FSD2: variants seen among roughly 807,000 people sequenced by gnomAD.
FSD2 encodes fibronectin type III and SPRY domain-containing protein 2.
FSD2 carries 71 observed loss-of-function variants against 80.4 expected under a neutral mutation model. That is an observed-to-expected ratio of 0.88 (90% CI 0.73 to 1.08). The LOEUF (loss-of-function observed/expected upper bound fraction) is 1.08, where lower values mean the gene tolerates loss of function less well. Ranked by LOEUF, FSD2 falls within the 50% of genes least tolerant of loss-of-function variation. FSD2 has a pLI of 0.00. For missense variants in FSD2, 923 were observed against 913.8 expected (o/e 1.01, Z -0.13); for synonymous variants, 361 against 329.5 (o/e 1.10, Z -1.03).
intron 12 of FSD2, among the ~76,000 whole-genome samples, chr15:82,760,737 A>ATG (rs1555475157): frequency 1.9e-4 from 12 of 63,254 alleles, no homozygotes; most frequent in East Asian, 1.0e-3. Context: ...GTGTGCGTGC[A>ATG]CGCACACACA....
At chr15:82,804,999 T>A (rs940942923) in intron 1 of FSD2, among the ~76,000 whole-genome samples, 4 of 152,188 alleles carry the variant, frequency 2.6e-5, no homozygotes, top group Non-Finnish European at 5.9e-5. Flanking sequence ...AAGCAATTAG[T>A]CATAGTCCAT....
intron 1 of FSD2, among the ~76,000 whole-genome samples, chr15:82,797,746 G>C (rs983669132): frequency 4.6e-5 from 7 of 152,254 alleles, no homozygotes; most frequent in African/African-American, 1.7e-4. Context: ...GGAGGCGGAG[G>C]TTGCAGTGAG....
At chr15:82,778,922 A>G (rs1374314584) in intron 5 of FSD2, 35 bp from the exon 6 acceptor site, 2 of 1,610,312 alleles carry the variant, frequency 1.2e-6, no homozygotes, top group Non-Finnish European at 1.7e-6. Context: ...ACTAGAATGG[A>G]GGGGCATTCT....
chr15:82,768,614 A>ATGAG (rs1489858231), intron 9 of FSD2, among the ~76,000 whole-genome samples: 1 of 152,178 alleles, frequency 6.6e-6, no homozygotes, highest in African/African-American at 2.4e-5. Flanking sequence ...GAATGAATGA[A>ATGAG]TGAATGAATG....
intron 1 of FSD2, among the ~76,000 whole-genome samples, chr15:82,801,618 G>A (rs951021154): frequency 2.0e-5 from 3 of 152,164 alleles, no homozygotes; most frequent in African/African-American, 7.2e-5. Context: ...TGACAAAGAT[G>A]CTGCTATCCT....
chr15:82,774,839 A>C (rs2049675100), intron 6 of FSD2, among the ~76,000 whole-genome samples: 1 of 150,714 alleles, frequency 6.6e-6, no homozygotes, highest in African/African-American at 2.4e-5. Flanking sequence ...CTCCTGCCTC[A>C]GCCTCCCGAG....
Position 82,775,333 on chromosome 15 carries a change from G to C in FSD2, c.1112-3105C>G, listed in dbSNP as rs564327492. ...GAATCGCTGGAACCCAGGAGGCTGAGGTTGCAGTGAGCTGAGATCGCACCA... is the reference window on the plus strand; with the variant it reads ...GAATCGCTGGAACCCAGGAGGCTGACGTTGCAGTGAGCTGAGATCGCACCA... On this transcript the variant is annotated intron_variant, in intron 6 of 12. Coordinates refer to ENST00000334574, the MANE Select transcript of FSD2 (RefSeq NM_001007122.4). Among the ~76,000 whole-genome samples the C allele has an allele frequency of 1.1e-4, 16 of 152,090 alleles. 1 individual carries two copies. The highest frequency in any genetic ancestry group is 8.5e-4 in the Admixed American group (13 of 15,284).
chr15:82,775,020 T>G (rs2049681536), intron 6 of FSD2, among the ~76,000 whole-genome samples: 1 of 150,370 alleles, frequency 6.7e-6, no homozygotes, highest in South Asian at 2.2e-4. Context: ...GCGCCTGGCC[T>G]TGTTTCTAAA....
intron 1 of FSD2, among the ~76,000 whole-genome samples, chr15:82,794,743 G>A (rs992237270): frequency 1.6e-5 from 1 of 61,914 alleles, no homozygotes; most frequent in Non-Finnish European, 3.2e-5. Flanking sequence ...TTTTTTTTTT[G>A]AGAAGGAGTC....
chr15:82,784,446 C>T (rs2049950101), intron 3 of FSD2, among the ~76,000 whole-genome samples: 1 of 151,964 alleles, frequency 6.6e-6, no homozygotes, highest in South Asian at 2.1e-4. Flanking sequence ...TGGGGTTTCA[C>T]CATCTTGGCT....
intron 10 of FSD2, 89 bp downstream of exon 10, chr15:82,765,809 T>C: frequency 6.8e-7 from 1 of 1,465,900 alleles, no homozygotes; most frequent in South Asian, 1.4e-5. Flanking sequence ...TGCATATTCA[T>C]CAATTTCCCA....
chr15:82,800,691 C>CAAAAAAAAA lies in FSD2; in HGVS notation c.-79+5266_-79+5274dup, dbSNP rs769762172. Among the ~76,000 whole-genome samples the CAAAAAAAAA allele has an allele frequency of 3.8e-3, 181 of 47,814 alleles. 20 individuals are homozygous for CAAAAAAAAA. Among genetic ancestry groups the CAAAAAAAAA allele is most frequent in the African/African-American group, 0.014 (144 of 10,124 alleles). The allele number at this position is 47,814 out of a possible 152,430, so 31.4% of individuals were successfully genotyped here. A position where few individuals can be genotyped will look rare whatever the true frequency, so the allele number is the denominator to read the frequency against. Reference sequence around the variant, plus strand: ...TGGGGGATAGAGCGAGATTCTGTCTCAAAAAAAAAAAAAAAAAAAAAAGCC... The same window carrying CAAAAAAAAA: ...TGGGGGATAGAGCGAGATTCTGTCTCAAAAAAAAAAAAAAAAAAAAAAAAAAAAAAAGCC... On this transcript the variant is annotated intron_variant, in intron 1 of 12. Transcript: ENST00000334574.
Position 82,787,004 on chromosome 15 carries a change from G to A in FSD2, c.387C>T (p.Ala129=), listed in dbSNP as rs200843659. The A allele has an allele frequency of 8.4e-5, 135 of 1,613,918 alleles. No individual in the cohort carries two copies. The Admixed American group carries it at 2.1e-3, about 25-fold the overall frequency. ...DWRLSGEAAE[A]EDLGFGGWGS... ...CCCACCCTCCGAAGCCCAGGTCCTC[G>A]GCCTCCGCTGCCTCTCCACTAAGTC... is the stretch of plus-strand genomic sequence containing the variant. Residue 129 remains alanine, a synonymous_variant, in exon 2 of 13, where the codon GCC becomes GCT. Coordinates refer to ENST00000334574, the MANE Select transcript of FSD2 (RefSeq NM_001007122.4).
chr15:82,793,729 T>A (rs1300202440), intron 1 of FSD2, among the ~76,000 whole-genome samples: 2 of 152,216 alleles, frequency 1.3e-5, no homozygotes, highest in African/African-American at 4.8e-5. Context: ...TGGGACTTTG[T>A]GTCTTTCTAG....
chr15:82,794,738 T>G (rs551980295), intron 1 of FSD2, among the ~76,000 whole-genome samples: 220 of 151,366 alleles, frequency 1.5e-3, no homozygotes, highest in Admixed American at 3.5e-3. Flanking sequence ...TTTTTTTTTT[T>G]TTTTGAGAAG....
chr15:82,780,337 C>CTTT (rs774635552), intron 4 of FSD2, 70 bp from the exon 5 acceptor site: 58 of 887,190 alleles, frequency 6.5e-5, no homozygotes, highest in South Asian at 2.7e-4. Context: ...TTCTTTCTTT[C>CTTT]TTTTTTTTTT....
Position 82,787,328 on chromosome 15 carries a change from A to C in FSD2, c.63T>G (p.Phe21Leu). 6.2e-7 allele frequency: 1 copy of C among 1,613,896 alleles called. No homozygotes were observed. Among genetic ancestry groups the C allele is most frequent in the South Asian group, 1.1e-5 (1 of 91,060 alleles). Residue 21 changes from phenylalanine (F) to leucine (L), a missense_variant, in exon 2 of 13, where the codon TTT (phenylalanine) becomes TTG (leucine). Coordinates refer to ENST00000334574, the MANE Select transcript of FSD2 (RefSeq NM_001007122.4). ...LDRSTPKDFH[F>L]YHMDLYDSED... ...CAGAGTCATACAGGTCCATGTGGTA[A>C]AAGTGGAAATCCTTGGGAGTAGACC...
rs2151480475 is a variant in FSD2, at chr15:82,756,915, G to A, written c.*2433C>T. 1 of 152,272 alleles carries A rather than the reference G, an allele frequency of 6.6e-6. No homozygotes were observed. Among genetic ancestry groups the A allele is most frequent in the Admixed American group, 6.5e-5 (1 of 15,296 alleles). The allele number at this position is 152,272 out of a possible 1,614,324, so 9.4% of individuals were successfully genotyped here. A position where few individuals can be genotyped will look rare whatever the true frequency, so the allele number is the denominator to read the frequency against. On this transcript the variant is annotated 3_prime_UTR_variant, in exon 13 of 13. Transcript: ENST00000334574. ...TTGTTTTTTAACAGACTTATCAGCA[G>A]GTTGCAGGTGAACATGGCCTTGAGG...
At chr15:82,782,672 C>T (rs546539664) in intron 4 of FSD2, 123 bp downstream of exon 4, 19 of 777,336 alleles carry the variant, frequency 2.4e-5, no homozygotes, top group African/African-American at 1.7e-4. Flanking sequence ...CCATAAAAGT[C>T]GATTCCAATG....
Sources: gnomAD v4.1 joint callset for allele counts (sites outside exome capture counted in the v4.1 genomes callset) on GRCh38, gnomAD v4.1.1 for gene constraint, MANE v1.5 for transcripts, NCBI Gene and HGNC (gene_info 2026-07-23, HGNC 2026-07-21) for gene names.